Variants in IGF2R observed in about 807,000 individuals in gnomAD.
The protein encoded by IGF2R is insulin like growth factor 2 receptor, also known as cation-independent mannose-6-phosphate receptor.
Under a neutral mutation model 270.6 loss-of-function variants are expected in IGF2R, and 91 were observed. The observed-to-expected ratio is 0.34, with a 90% CI of 0.28 to 0.40. IGF2R has a LOEUF of 0.40. Ranked by LOEUF, IGF2R falls within the 10% of genes least tolerant of loss-of-function variation. The pLI is 1.00. For missense variants in IGF2R, 2,805 were observed against 3,188.3 expected (o/e 0.88, Z 2.90); for synonymous variants, 1,316 against 1,258.9 (o/e 1.05, Z -0.96).
chr6:160,012,763 A>ATAT (rs1468922393), intron 4 of IGF2R, among the ~76,000 whole-genome samples: 1 of 128,060 alleles, frequency 7.8e-6, no homozygotes, highest in African/African-American at 2.9e-5. Context: ...ATATATATAT[A>ATAT]TTTTTTTTTT....
chr6:159,991,420 A>C, intron 2 of IGF2R, 97 bp downstream of exon 2: 1 of 986,736 alleles, frequency 1.0e-6, no homozygotes, highest in Non-Finnish European at 1.5e-6. Context: ...CGATACAAAA[A>C]TTTTGAATGT....
chr6:160,094,631 G>C (rs1361391391), intron 44 of IGF2R: 2 of 152,716 alleles, frequency 1.3e-5, no homozygotes, highest in Non-Finnish European at 2.9e-5. Context: ...GGGCGTGGTG[G>C]CTCACGCCTG....
chr6:160,036,328 C>T (rs1472526801), intron 10 of IGF2R, among the ~76,000 whole-genome samples: 4 of 152,120 alleles, frequency 2.6e-5, no homozygotes, highest in African/African-American at 4.8e-5. Context: ...CATGTCTGCA[C>T]CCTGAATCAC....
In IGF2R at chr6:160,103,765, C is replaced by A; in HGVS notation, c.7015C>A (p.Leu2339Met). Residue 2339 changes from leucine (L) to methionine (M), a missense_variant, in exon 47 of 48, where the codon CTG becomes ATG. Transcript: ENST00000356956. ...TTATAGGGAAACAGTGATAAGTAAG[C>A]TGACCACTTGCTGTAGGAGAAGTTC... ...KERRETVISK[L>M]TTCCRRSSNV... 6.2e-7 allele frequency: 1 copy of A among 1,610,294 alleles called. No homozygotes were observed. The highest frequency in any genetic ancestry group is 8.5e-7 in the Non-Finnish European group (1 of 1,176,546).
intron 19 of IGF2R, 145 bp from the exon 20 acceptor site, chr6:160,056,279 G>A (rs1031246457): frequency 7.2e-5 from 46 of 638,612 alleles, no homozygotes; most frequent in Admixed American, 1.2e-4. Flanking sequence ...ATTAGGTAAT[G>A]CACATTAAGT....
In IGF2R at chr6:160,051,382, C is replaced by T. The variant is rs73596484; in HGVS notation, c.2694+730C>T. On this transcript the variant is annotated intron_variant, in intron 19 of 47. Coordinates refer to ENST00000356956, the MANE Select transcript of IGF2R (RefSeq NM_000876.4). ...TTTGTGGGATAGATAATGAGATTTC[C>T]GAGTTTCTTTTGGAAAGAAGCCTTC... is the stretch of plus-strand genomic sequence containing the variant. Among the ~76,000 whole-genome samples, 345 of 152,218 alleles carry T rather than the reference C, an allele frequency of 2.3e-3. 3 individuals are homozygous for T. The highest frequency in any genetic ancestry group is 7.8e-3 in the African/African-American group (322 of 41,538).
At chr6:159,972,309 C>A (rs367922533) in intron 1 of IGF2R, among the ~76,000 whole-genome samples, 1 of 152,104 alleles carries the variant, frequency 6.6e-6, no homozygotes, top group South Asian at 2.1e-4. Flanking sequence ...TGGAGGCAGT[C>A]CCAAATGTAC....
In IGF2R at chr6:160,027,166, T is replaced by C. The variant is rs758245605; in HGVS notation, c.647-19T>C. ...ACTCCTAACACCTAATCTGATTTAA[T>C]GTAATACATGATTTTCAGACACACT... On this transcript the variant is annotated intron_variant, in intron 5 of 47. Coordinates refer to ENST00000356956, the MANE Select transcript of IGF2R (RefSeq NM_000876.4). The C allele has an allele frequency of 2.5e-6, 4 of 1,613,950 alleles. No homozygotes were observed. The African/African-American group carries it at 4.0e-5, about 16-fold the overall frequency.
chr6:160,103,949 C>G (rs1779552548), intron 47 of IGF2R, 134 bp downstream of exon 47: 2 of 606,184 alleles, frequency 3.3e-6, no homozygotes, highest in African/African-American at 3.8e-5. Flanking sequence ...AAAGCAACAC[C>G]CGTTGCCTCA....
chr6:160,067,367 C>A (rs1008982351), intron 29 of IGF2R, among the ~76,000 whole-genome samples: 3 of 151,964 alleles, frequency 2.0e-5, no homozygotes, highest in Non-Finnish European at 4.4e-5. Context: ...GCTGCCTCTG[C>A]CCCCCGAACT....
rs181073665 is a variant in IGF2R at position 160,073,171 on chromosome 6, A to C, written c.4691-42A>C. On this transcript the variant is annotated intron_variant, in intron 33 of 47. Coordinates refer to ENST00000356956, the MANE Select transcript of IGF2R (RefSeq NM_000876.4). The stretch of plus-strand genomic sequence containing the variant: ...GTTCTCATCAGAAAATTGGCCATCG[A>C]GTCTGTGATTGTGTTTTCTCCGCCT... The C allele has an allele frequency of 5.0e-3, 7,967 of 1,598,096 alleles. 32 individuals carry two copies. Among genetic ancestry groups the C allele is most frequent in the Non-Finnish European group, 6.4e-3 (7,439 of 1,169,140 alleles).
chr6:160,015,832 A>G (rs1407487380), intron 4 of IGF2R, among the ~76,000 whole-genome samples: 2 of 152,204 alleles, frequency 1.3e-5, no homozygotes, highest in Admixed American at 6.5e-5. Flanking sequence ...TGCTGTCCTC[A>G]TGACAGTGAG....
In IGF2R at chr6:160,072,010, A is replaced by T; in HGVS notation, c.4544A>T (p.Asp1515Val). 1 of 1,614,168 alleles carries T rather than the reference A, an allele frequency of 6.2e-7. No individual in the cohort carries two copies. ...ACPMKSNEHD[D>V]CQVTNPSTGH... is the part of the protein sequence containing the mutation. ...CCCATGAAGAGCAACGAGCATGATG[A>T]CTGCCAGGTCACCAACCCAAGCACA... The change falls in exon 32 of 48, where the codon GAC becomes GTC. Residue 1515 changes from aspartate to valine, a missense_variant. Asp to Val is a radical substitution (Grantham distance 152). Coordinates refer to ENST00000356956, the MANE Select transcript of IGF2R (RefSeq NM_000876.4).
chr6:160,028,861 C>T (rs1775030262), intron 6 of IGF2R, among the ~76,000 whole-genome samples: 1 of 151,474 alleles, frequency 6.6e-6, no homozygotes, highest in African/African-American at 2.4e-5. Flanking sequence ...ATCTCATTTA[C>T]AACCGTTTTT....
chr6:159,986,402 TTGTGTG>T (rs56105769), intron 1 of IGF2R, among the ~76,000 whole-genome samples: 4 of 131,926 alleles, frequency 3.0e-5, no homozygotes, highest in East Asian at 2.1e-4. Context: ...TGGCTAATTT[TTGTGTG>T]TGTGTGTGTG....
chr6:160,055,954 A>G (rs75132722), intron 19 of IGF2R, among the ~76,000 whole-genome samples: 110 of 152,276 alleles, frequency 7.2e-4, no homozygotes, highest in Non-Finnish European at 1.5e-3. Context: ...ACACATCAAG[A>G]AAGAACATGC....
In IGF2R at chr6:160,027,228, C is replaced by G. The variant is rs774882840; in HGVS notation, c.690C>G (p.Pro230=). ...DPGSQLRACP[P]GTAACLVRGH... is the part of the protein sequence containing the mutation. Reference sequence around the variant, plus strand: ...GTTCACAGCTGCGGGCCTGTCCCCCCGGCACTGCCGCCTGCCTGGTAAGAG... The same window carrying G: ...GTTCACAGCTGCGGGCCTGTCCCCCGGGCACTGCCGCCTGCCTGGTAAGAG... The change falls in exon 6 of 48, where the codon CCC becomes CCG. Residue 230 remains proline, a synonymous_variant. Transcript: ENST00000356956. 20 of 1,614,132 alleles carry G rather than the reference C, an allele frequency of 1.2e-5. No homozygotes were observed. The highest frequency in any genetic ancestry group is 1.5e-5 in the Non-Finnish European group (18 of 1,180,050).
At chr6:159,979,708 A>G (rs1327227229) in intron 1 of IGF2R, among the ~76,000 whole-genome samples, 1 of 152,050 alleles carries the variant, frequency 6.6e-6, no homozygotes, top group African/African-American at 2.4e-5. Flanking sequence ...CCCAGCGGGA[A>G]GCATGTCTGA....
intron 1 of IGF2R, among the ~76,000 whole-genome samples, chr6:159,973,870 T>G (rs371069642): frequency 1.6e-3 from 244 of 152,294 alleles, no homozygotes; most frequent in Non-Finnish European, 2.9e-3. Flanking sequence ...ACTATTGTAT[T>G]GGGGAAAGAA....
Sources: allele counts gnomAD v4.1 joint callset (sites outside exome capture counted in the v4.1 genomes callset), GRCh38; gene constraint gnomAD v4.1.1; transcripts MANE v1.5; gene names NCBI Gene and HGNC (gene_info 2026-07-23, HGNC 2026-07-21).